DNAH3: variants seen among roughly 807,000 people sequenced by gnomAD.
The protein encoded by DNAH3 is dynein axonemal heavy chain 3.
DNAH3 carries 332 observed loss-of-function variants against 432.5 expected under a neutral mutation model. The ratio of observed to expected loss-of-function variants is 0.77; its 90% CI spans 0.70 to 0.84. DNAH3 has a LOEUF of 0.84. Ranked by LOEUF, DNAH3 falls within the 40% of genes least tolerant of loss-of-function variation. The pLI, the probability that DNAH3 is intolerant of heterozygous loss-of-function variation, is 0.00. For synonymous variants in DNAH3, 1,956 were observed against 1,900.2 expected, an observed-to-expected ratio of 1.03 and a Z score of -0.76; for missense variants, 4,861 against 5,114.0, an observed-to-expected ratio of 0.95 and a Z score of 1.51.
intron 19 of DNAH3, among the ~76,000 whole-genome samples, chr16:21,084,212 T>G (rs2091289814): frequency 6.6e-6 from 1 of 152,092 alleles, no homozygotes; most frequent in Non-Finnish European, 1.5e-5. Context: ...AAGGGTGAAA[T>G]GTGAGAATCC....
exon 58 of DNAH3, chr16:20,944,655 G>T: frequency 1.2e-6 from 2 of 1,613,928 alleles, no homozygotes; most frequent in South Asian, 1.1e-5. Flanking sequence ...TGAGATAGTC[G>T]ATATAGGACT....
At chr16:21,021,935 C>G in intron 40 of DNAH3, 36 bp downstream of exon 40, 1 of 1,609,552 alleles carries the variant, frequency 6.2e-7, no homozygotes, top group Non-Finnish European at 8.5e-7. Flanking sequence ...GTAGACCCAC[C>G]CCCCATGTGG....
At chr16:21,081,395 A>C (rs953392167) in intron 20 of DNAH3, among the ~76,000 whole-genome samples, 2 of 150,124 alleles carry the variant, frequency 1.3e-5, no homozygotes, top group South Asian at 2.1e-4. Context: ...AAAAAAAAAA[A>C]CCCTTTGAAA....
At chr16:21,118,029 C>T (rs185089736) in intron 11 of DNAH3, among the ~76,000 whole-genome samples, 211 of 152,148 alleles carry the variant, frequency 1.4e-3, no homozygotes, top group Middle Eastern at 3.4e-3. Context: ...ACTCTATGGC[C>T]CAGGCTGGAG....
chr16:21,070,321 C>T (rs1271134389), intron 22 of DNAH3, among the ~76,000 whole-genome samples: 2 of 152,052 alleles, frequency 1.3e-5, no homozygotes, highest in African/African-American at 2.4e-5. Flanking sequence ...TCACTCTTGT[C>T]GCCCAGGCTG....
intron 27 of DNAH3, among the ~76,000 whole-genome samples, chr16:21,055,360 A>ATTT (rs1478818398): frequency 6.6e-6 from 1 of 152,126 alleles, no homozygotes. Flanking sequence ...CCGGCCTGTC[A>ATTT]TTTCTTTTTC....
At chr16:21,000,234 C>T (rs1276774243) in exon 43 of DNAH3, 8 of 1,613,380 alleles carry the variant, frequency 5.0e-6, no homozygotes, top group Non-Finnish European at 6.8e-6. Flanking sequence ...CCACAAACAC[C>T]ACTGCTTTCT....
At chr16:20,940,547 C>G (rs1330440469) in intron 59 of DNAH3, among the ~76,000 whole-genome samples, 1 of 151,616 alleles carries the variant, frequency 6.6e-6, no homozygotes, top group Non-Finnish European at 1.5e-5. Context: ...CCCACTTCAC[C>G]CTCCCAAGTA....
exon 53 of DNAH3, chr16:20,964,521 T>C (rs1475576753): frequency 6.2e-7 from 1 of 1,614,172 alleles, no homozygotes; most frequent in East Asian, 2.2e-5. Context: ...CAGGGGTGCC[T>C]AACTGCAGCG....
chr16:21,071,614 A>G (rs996242110), intron 21 of DNAH3, among the ~76,000 whole-genome samples: 2 of 152,034 alleles, frequency 1.3e-5, no homozygotes, highest in African/African-American at 4.8e-5. Flanking sequence ...TAGGCTGGAC[A>G]AGGTGGCTCA....
intron 28 of DNAH3, among the ~76,000 whole-genome samples, chr16:21,053,070 A>G (rs2090012239): frequency 6.6e-6 from 1 of 152,178 alleles, no homozygotes; most frequent in Non-Finnish European, 1.5e-5. Flanking sequence ...TTGGTAACTC[A>G]GGTGGAGAGC....
intron 23 of DNAH3, among the ~76,000 whole-genome samples, chr16:21,067,762 G>GT (rs1432448602): frequency 4.0e-5 from 2 of 49,768 alleles, no homozygotes; most frequent in Non-Finnish European, 7.7e-5. Flanking sequence ...AGTCTTGGGG[G>GT]GGGGGGTGGG....
rs143501021 is a variant in DNAH3 at position 21,121,821 on chromosome 16, T to C, written c.1584+124A>G. ...GGGTCAAGGGGTTATATTCAGGATATATCTCCAAAGTGAAGCTCCCTTAAC... is the reference window on the plus strand; with the variant it reads ...GGGTCAAGGGGTTATATTCAGGATACATCTCCAAAGTGAAGCTCCCTTAAC... On this transcript the variant is annotated intron_variant, in intron 10 of 61. Transcript: ENST00000261383. 2.7e-5 allele frequency: 19 copies of C among 706,688 alleles called. No individual in the cohort carries two copies. The African/African-American group carries it at 3.1e-4, about 11-fold the overall frequency. 43.8% of individuals were successfully genotyped at this position (706,688 alleles called of 1,614,324 possible). A position where few individuals can be genotyped will look rare whatever the true frequency, so the allele number is the denominator to read the frequency against.
chr16:20,938,487 T>C (rs1872506013), intron 59 of DNAH3, among the ~76,000 whole-genome samples: 1 of 152,024 alleles, frequency 6.6e-6, no homozygotes, highest in Non-Finnish European at 1.5e-5. Flanking sequence ...CACAGACCTC[T>C]ATTATACCTA....
chr16:21,094,988 GT>G (rs2091637754), intron 18 of DNAH3, among the ~76,000 whole-genome samples: 1 of 152,134 alleles, frequency 6.6e-6, no homozygotes. Flanking sequence ...AAGTGGAACT[GT>G]GAGTTCATTA....
chr16:20,938,874 C>T (rs1327048995), intron 59 of DNAH3, among the ~76,000 whole-genome samples: 1 of 151,932 alleles, frequency 6.6e-6, no homozygotes, highest in East Asian at 1.9e-4. Context: ...CTTCCCAGGC[C>T]CAAGCAATCC....
At chr16:21,153,848 C>T (rs2092880413) in intron 1 of DNAH3, among the ~76,000 whole-genome samples, 1 of 152,204 alleles carries the variant, frequency 6.6e-6, no homozygotes, top group Admixed American at 6.5e-5. Flanking sequence ...CAAGTACTTC[C>T]ATTTTCCCCC....
At chr16:21,120,626 T>C (rs1388245642) in intron 11 of DNAH3, 3 of 810,180 alleles carry the variant, frequency 3.7e-6, no homozygotes, top group Non-Finnish European at 6.2e-6. Flanking sequence ...TACGTTGTTT[T>C]TCCTTATTGT....
chr16:21,040,938 G>A (rs1339374954), intron 32 of DNAH3, among the ~76,000 whole-genome samples: 2 of 152,144 alleles, frequency 1.3e-5, no homozygotes, highest in East Asian at 1.9e-4. Context: ...TAGAGCCAGG[G>A]CTAGAATCTA....
Sources: gnomAD v4.1 joint callset for allele counts (sites outside exome capture counted in the v4.1 genomes callset) on GRCh38, gnomAD v4.1.1 for gene constraint, MANE v1.5 for transcripts, NCBI Gene and HGNC (gene_info 2026-07-23, HGNC 2026-07-21) for gene names.